The following VAV3 variants were observed in gnomAD, a reference collection of about 807,000 sequenced individuals.
VAV3 encodes the protein vav guanine nucleotide exchange factor 3, also known as guanine nucleotide exchange factor VAV3.
A neutral mutation model predicts 131.2 loss-of-function variants in VAV3; 94 were observed. The observed-to-expected ratio is 0.72, with a 90% CI of 0.61 to 0.85. The LOEUF is 0.85. Among genes scored for constraint, VAV3 ranks in the 40% least tolerant of loss-of-function variants. The pLI is 0.00. For missense variants in VAV3, 939 were observed against 1,002.7 expected, an observed-to-expected ratio of 0.94 and a Z score of 0.86; for synonymous variants, 349 against 342.0, an observed-to-expected ratio of 1.02 and a Z score of -0.22.
chr1:107,587,955 G>A (rs931649063), intron 25 of VAV3, among the ~76,000 whole-genome samples: 1 of 152,160 alleles, frequency 6.6e-6, no homozygotes, highest in South Asian at 2.1e-4. Flanking sequence ...TTAATGAACA[G>A]TATAAAAGAT....
intron 2 of VAV3, chr1:107,785,692 T>A: frequency 9.1e-7 from 1 of 1,099,570 alleles, no homozygotes; most frequent in Non-Finnish European, 1.1e-6. Flanking sequence ...GAACTGGGAG[T>A]GTGGGCATGA....
intron 19 of VAV3, among the ~76,000 whole-genome samples, chr1:107,643,853 GA>G (rs1275753402): frequency 2.6e-5 from 4 of 152,080 alleles, no homozygotes; most frequent in African/African-American, 9.7e-5. Context: ...GAACAGACTA[GA>G]AAAGTTTTAG....
intron 2 of VAV3, among the ~76,000 whole-genome samples, chr1:107,820,560 GT>G (rs1557866039): frequency 6.6e-6 from 1 of 151,996 alleles, no homozygotes; most frequent in Non-Finnish European, 1.5e-5. Flanking sequence ...ACACAACAGA[GT>G]GATTACAGTT....
At chr1:107,676,356 G>A (rs1179859699) in intron 19 of VAV3, among the ~76,000 whole-genome samples, 1 of 152,186 alleles carries the variant, frequency 6.6e-6, no homozygotes, top group Non-Finnish European at 1.5e-5. Context: ...CTGAGAGAAA[G>A]ATGTTCTATT....
intron 19 of VAV3, among the ~76,000 whole-genome samples, chr1:107,682,416 T>C (rs1658701345): frequency 6.6e-6 from 1 of 152,202 alleles, no homozygotes; most frequent in African/African-American, 2.4e-5. Flanking sequence ...AAGTCACTTC[T>C]AAATATTATT....
chr1:107,865,775 C>G (rs767132429), intron 2 of VAV3, among the ~76,000 whole-genome samples: 6 of 152,134 alleles, frequency 3.9e-5, no homozygotes, highest in Non-Finnish European at 7.3e-5. Flanking sequence ...GAAGGTTTGG[C>G]AATTATCACA....
chr1:107,766,015 C>T (rs1001300458), intron 8 of VAV3, among the ~76,000 whole-genome samples: 16 of 152,048 alleles, frequency 1.1e-4, no homozygotes, highest in African/African-American at 3.6e-4. Context: ...GAATCTAATA[C>T]TCCAAAATAG....
intron 19 of VAV3, among the ~76,000 whole-genome samples, chr1:107,651,042 G>T (rs1656131168): frequency 1.3e-5 from 2 of 152,102 alleles, no homozygotes; most frequent in African/African-American, 4.8e-5. Context: ...CAAGGGTGGA[G>T]CCCCATGTGC....
intron 13 of VAV3, among the ~76,000 whole-genome samples, chr1:107,750,585 G>A (rs1429377566): frequency 1.3e-5 from 2 of 152,096 alleles, no homozygotes; most frequent in South Asian, 2.1e-4. Flanking sequence ...ACTGGCTTTC[G>A]CTTCTCCAAA....
chr1:107,856,542 AT>A (rs1482244417), intron 2 of VAV3, among the ~76,000 whole-genome samples: 5 of 152,298 alleles, frequency 3.3e-5, no homozygotes, highest in African/African-American at 9.6e-5. Flanking sequence ...TAAAAAAAAA[AT>A]CAACATTACT....
intron 12 of VAV3, among the ~76,000 whole-genome samples, chr1:107,753,536 A>ATATATACATATATATATG (rs1553201297): frequency 3.2e-5 from 3 of 94,924 alleles, no homozygotes; most frequent in Non-Finnish European, 4.5e-5. Context: ...ACGTATATAT[A>ATATATACATATATATATG]TATATATATA....
intron 20 of VAV3, among the ~76,000 whole-genome samples, chr1:107,629,661 G>A (rs989825206): frequency 6.6e-6 from 1 of 152,120 alleles, no homozygotes; most frequent in Non-Finnish European, 1.5e-5. Context: ...GCTGCCAAAA[G>A]GAATCCTGAA....
chr1:107,697,762 A>G (rs1375239409), intron 17 of VAV3, among the ~76,000 whole-genome samples: 2 of 152,168 alleles, frequency 1.3e-5, no homozygotes, highest in Non-Finnish European at 2.9e-5. Context: ...GAAGGTAGGT[A>G]TGGTCCCCAG....
chr1:107,768,563 A>AT, intron 6 of VAV3, 54 bp from the exon 7 acceptor site: 2 of 1,427,580 alleles, frequency 1.4e-6, no homozygotes, highest in Non-Finnish European at 1.9e-6. Context: ...CCTAATCTAT[A>AT]TAATAGTTTT....
intron 2 of VAV3, among the ~76,000 whole-genome samples, chr1:107,833,930 A>G (rs1364687604): frequency 6.6e-6 from 1 of 152,226 alleles, no homozygotes; most frequent in Non-Finnish European, 1.5e-5. Context: ...AATTTTGTTC[A>G]CAGTGTCCAC....
At chr1:107,958,857 A>G (rs1482784684) in intron 1 of VAV3, among the ~76,000 whole-genome samples, 1 of 152,152 alleles carries the variant, frequency 6.6e-6, no homozygotes. Context: ...ATATATAGAT[A>G]TATCTTTTCA....
intron 24 of VAV3, 114 bp downstream of exon 24, chr1:107,602,283 T>C (rs757189168): frequency 1.1e-5 from 7 of 655,076 alleles, no homozygotes; most frequent in Non-Finnish European, 1.7e-5. Context: ...AATATGATTA[T>C]CTTTAAATAA....
chr1:107,774,046 C>T (rs984476297), intron 4 of VAV3, among the ~76,000 whole-genome samples: 3 of 151,980 alleles, frequency 2.0e-5, no homozygotes, highest in African/African-American at 7.2e-5. Context: ...TATAAATTAG[C>T]ACAGACTTTT....
intron 21 of VAV3, among the ~76,000 whole-genome samples, chr1:107,614,774 T>C (rs1339787805): frequency 1.3e-5 from 2 of 152,168 alleles, no homozygotes; most frequent in Non-Finnish European, 2.9e-5. Flanking sequence ...ATTTATTAAA[T>C]GCCTACTTTG....
Sources: allele counts gnomAD v4.1 joint callset (sites outside exome capture counted in the v4.1 genomes callset), GRCh38; gene constraint gnomAD v4.1.1; transcripts MANE v1.5; gene names NCBI Gene and HGNC (gene_info 2026-07-23, HGNC 2026-07-21).